The following IFT52 variants were observed in gnomAD, a reference collection of about 807,000 sequenced individuals.
The protein encoded by IFT52 is intraflagellar transport protein 52 homolog.
Under a neutral mutation model 54.4 loss-of-function variants are expected in IFT52, and 44 were observed. The observed-to-expected ratio is 0.81, with a 90% CI of 0.63 to 1.04. The LOEUF is 1.04. Among genes scored for constraint, IFT52 ranks in the 50% least tolerant of loss-of-function variants. IFT52 has a pLI of 0.00. For synonymous variants in IFT52, 181 were observed against 185.3 expected, an observed-to-expected ratio of 0.98 and a Z score of 0.19; for missense variants, 452 against 523.6, an observed-to-expected ratio of 0.86 and a Z score of 1.33.
At chr20:43,598,078 A>G (rs1038653130) in intron 3 of IFT52, among the ~76,000 whole-genome samples, 1 of 152,184 alleles carries the variant, frequency 6.6e-6, no homozygotes, top group African/African-American at 2.4e-5. Flanking sequence ...AAGATATGGT[A>G]TATACATACA....
At chr20:43,606,841 G>A (rs1490745912) in intron 6 of IFT52, among the ~76,000 whole-genome samples, 9 of 152,078 alleles carry the variant, frequency 5.9e-5, no homozygotes, top group Non-Finnish European at 1.2e-4. Flanking sequence ...ATCTTGCACC[G>A]CCCTTAATCC....
intron 10 of IFT52, among the ~76,000 whole-genome samples, chr20:43,626,073 G>A (rs969777831): frequency 6.6e-5 from 10 of 150,468 alleles, no homozygotes; most frequent in African/African-American, 2.4e-4. Flanking sequence ...GAAAGACTGC[G>A]AGTAGATTTT....
intron 7 of IFT52, among the ~76,000 whole-genome samples, chr20:43,614,651 C>T (rs1983720095): frequency 6.6e-6 from 1 of 151,668 alleles, no homozygotes; most frequent in South Asian, 2.1e-4. Context: ...ATGGAGTTAA[C>T]ATATTACACA....
Position 43,600,406 on chromosome 20 carries a change from G to A in IFT52, c.208-3354G>A, listed in dbSNP as rs557901151. On this transcript the variant is annotated intron_variant, in intron 3 of 13. Transcript: ENST00000373030. ...TGCAAGCTCCGCCTCCCGGGTTCAC[G>A]CCATTCTCCTGCCTCAGCCTTCCGA... 5.3e-5 allele frequency among the ~76,000 whole-genome samples: 8 copies of A among 151,310 alleles called. No homozygotes were observed. In the East Asian group the frequency reaches 9.8e-4, roughly 18 times the overall value.
intron 1 of IFT52, among the ~76,000 whole-genome samples, chr20:43,592,507 G>A (rs945176647): frequency 4.0e-5 from 6 of 151,440 alleles, no homozygotes; most frequent in African/African-American, 1.5e-4. Context: ...CTGGGAGGCA[G>A]AGGTTGTGGT....
At chr20:43,615,142 A>G (rs554513742) in intron 7 of IFT52, among the ~76,000 whole-genome samples, 1 of 151,572 alleles carries the variant, frequency 6.6e-6, no homozygotes, top group South Asian at 2.1e-4. Flanking sequence ...GCTCACTGCA[A>G]TCTCTGCCTC....
chr20:43,595,338 A>T (rs1200511900), intron 2 of IFT52, among the ~76,000 whole-genome samples: 127 of 129,906 alleles, frequency 9.8e-4, no homozygotes, highest in Non-Finnish European at 1.6e-3. Flanking sequence ...AAAAAAAAAA[A>T]GAAAGATCAA....
intron 6 of IFT52, among the ~76,000 whole-genome samples, chr20:43,612,657 A>G (rs928820540): frequency 1.3e-5 from 2 of 151,970 alleles, no homozygotes; most frequent in African/African-American, 4.8e-5. Flanking sequence ...ATACCACTGC[A>G]CTCCAGCCTG....
intron 12 of IFT52, 184 bp from the exon 13 acceptor site, chr20:43,642,295 C>T: frequency 1.8e-6 from 1 of 551,612 alleles, no homozygotes; most frequent in Non-Finnish European, 3.2e-6. Context: ...ATTATAAAAG[C>T]AGCACATTAG....
chr20:43,646,859 G>T lies in IFT52; in HGVS notation c.1267-77G>T, dbSNP rs393115. 1,017,475 of 1,186,180 alleles carry T rather than the reference G, an allele frequency of 0.86. 437,359 individuals carry two copies. Among genetic ancestry groups the T allele is most frequent in the African/African-American group, 0.96 (63,524 of 66,124 alleles). The allele number at this position is 1,186,180 out of a possible 1,614,324, so 73.5% of individuals were successfully genotyped here. A position where few individuals can be genotyped will look rare whatever the true frequency, so the allele number is the denominator to read the frequency against. ...TTAATAAAGATTCAGAATCTCTAAA[G>T]TCCAAAGCACTGAAGAGTTTACATT... is the stretch of plus-strand genomic sequence containing the variant. On this transcript the variant is annotated intron_variant, in intron 13 of 13. Transcript: ENST00000373030.
intron 3 of IFT52, among the ~76,000 whole-genome samples, chr20:43,600,063 A>G (rs562455338): frequency 1.3e-5 from 2 of 152,334 alleles, no homozygotes; most frequent in South Asian, 2.1e-4. Context: ...GTTTATGCAT[A>G]TATATACTAG....
At chr20:43,605,124 T>G (rs749255355) in intron 6 of IFT52, 51 bp downstream of exon 6, 2 of 1,594,102 alleles carry the variant, frequency 1.3e-6, no homozygotes, top group Non-Finnish European at 1.7e-6. Context: ...TTTTGGAGTC[T>G]TCTTTTTCAA....
chr20:43,624,106 C>T, intron 10 of IFT52, 61 bp downstream of exon 10: 3 of 1,549,684 alleles, frequency 1.9e-6, no homozygotes, highest in African/African-American at 2.7e-5. Context: ...GGTTTGGAAA[C>T]ATGAACCTGG....
At chr20:43,637,075 T>G in intron 11 of IFT52, 70 bp from the exon 12 acceptor site, 1 of 1,093,350 alleles carries the variant, frequency 9.1e-7, no homozygotes, top group Non-Finnish European at 1.4e-6. Flanking sequence ...GACAAGCTCT[T>G]TCTTGAGAGA....
At chr20:43,618,217 T>A (rs1438472769) in intron 7 of IFT52, 1 of 147,384 alleles carries the variant, frequency 6.8e-6, no homozygotes, top group Non-Finnish European at 1.5e-5. Flanking sequence ...CAATTTAATT[T>A]TTTTTTTTTT....
intron 2 of IFT52, 59 bp from the exon 3 acceptor site, chr20:43,596,376 A>T: frequency 9.0e-7 from 1 of 1,105,276 alleles, no homozygotes; most frequent in Non-Finnish European, 1.4e-6. Context: ...AGACTAAAAT[A>T]ATACATAAAT....
chr20:43,638,230 G>A (rs78649150), intron 12 of IFT52, among the ~76,000 whole-genome samples: 1,680 of 150,880 alleles, frequency 0.011, 24 homozygotes, highest in African/African-American at 0.031. Context: ...CACTCTTGTC[G>A]CCCAGCCTTG....
chr20:43,604,263 G>A lies in IFT52; in HGVS notation c.413+5G>A, dbSNP rs199765782. 7.9e-5 allele frequency: 126 copies of A among 1,600,520 alleles called. 5 individuals carry two copies. In the South Asian group the frequency reaches 9.4e-4, roughly 12 times the overall value. On this transcript the variant is annotated splice_donor_5th_base_variant and intron_variant, in intron 5 of 13. Coordinates refer to ENST00000373030, the MANE Select transcript of IFT52 (RefSeq NM_016004.5). ...TTCCAGTGGAGTCTTGAACAGGTAA[G>A]CATGTTGAAAGCAGAAATATCTTGG...
intron 3 of IFT52, 111 bp from the exon 4 acceptor site, chr20:43,603,649 T>C: frequency 2.1e-6 from 2 of 941,772 alleles, no homozygotes; most frequent in Admixed American, 4.9e-5. Context: ...TATATGTAAA[T>C]GCCTTATAGA....
Sources: gnomAD v4.1 joint callset for allele counts (sites outside exome capture counted in the v4.1 genomes callset) on GRCh38, gnomAD v4.1.1 for gene constraint, MANE v1.5 for transcripts, NCBI Gene and HGNC (gene_info 2026-07-23, HGNC 2026-07-21) for gene names.